The following ANKRD17 variants were observed in gnomAD, a reference collection of about 807,000 sequenced individuals.
The protein encoded by ANKRD17 is ankyrin repeat domain-containing protein 17.
A neutral mutation model predicts 229.7 loss-of-function variants in ANKRD17; 19 were observed. The observed-to-expected ratio is 0.08, with a 90% CI of 0.06 to 0.12. The LOEUF is 0.12. ANKRD17 is among the 10% of genes least tolerant of loss of function. The pLI, the probability that ANKRD17 is intolerant of heterozygous loss-of-function variation, is 1.00. For synonymous variants in ANKRD17, 1,112 were observed against 1,146.1 expected (o/e 0.97, Z 0.60); for missense variants, 2,176 against 3,176.8 (o/e 0.68, Z 7.57).
At chr4:73,231,844 T>C (rs1476063190) in intron 1 of ANKRD17, among the ~76,000 whole-genome samples, 2 of 152,166 alleles carry the variant, frequency 1.3e-5, no homozygotes, top group East Asian at 1.9e-4. Flanking sequence ...TAATCAATCA[T>C]GCCTATGTAA....
intron 1 of ANKRD17, among the ~76,000 whole-genome samples, chr4:73,204,336 G>A (rs1184798684): frequency 1.4e-5 from 2 of 145,644 alleles, no homozygotes; most frequent in Non-Finnish European, 3.0e-5. Flanking sequence ...AGTCCAGCCT[G>A]GGCGACAAAG....
At chr4:73,211,600 A>C (rs946880139) in intron 1 of ANKRD17, among the ~76,000 whole-genome samples, 2 of 152,148 alleles carry the variant, frequency 1.3e-5, no homozygotes, top group African/African-American at 4.8e-5. Flanking sequence ...TAATCTCAGC[A>C]CTTTGGGAGG....
In ANKRD17 at chr4:73,258,756, A is replaced by T. The variant is rs1337221908; in HGVS notation, c.-88T>A. On this transcript the variant is annotated 5_prime_UTR_variant, in exon 1 of 34. Transcript: ENST00000358602. Reference sequence around the variant, plus strand: ...TCGGCCGCACTGGGGCCGACACAGCAATCGGTGCCGCCTCCGCCGCCACCG... The same window carrying T: ...TCGGCCGCACTGGGGCCGACACAGCTATCGGTGCCGCCTCCGCCGCCACCG... The T allele has an allele frequency of 2.3e-6, 3 of 1,323,420 alleles. No individual in the cohort carries two copies. In the East Asian group the frequency reaches 9.8e-5, roughly 43 times the overall value. 82.0% of individuals were successfully genotyped at this position (1,323,420 alleles called of 1,614,324 possible). A position where few individuals can be genotyped will look rare whatever the true frequency, so the allele number is the denominator to read the frequency against.
intron 1 of ANKRD17, among the ~76,000 whole-genome samples, chr4:73,216,185 C>T (rs764649456): frequency 1.3e-5 from 2 of 152,140 alleles, no homozygotes; most frequent in African/African-American, 4.8e-5. Context: ...GCCACTCTCA[C>T]AAATTTTTTC....
intron 24 of ANKRD17, among the ~76,000 whole-genome samples, chr4:73,110,152 G>C (rs1725137379): frequency 6.6e-6 from 1 of 152,056 alleles, no homozygotes; most frequent in Admixed American, 6.6e-5. Context: ...TAAAATATCT[G>C]CTAGGGATTC....
At chr4:73,191,337 A>ATGTGTGTGTGTGTGTGTGTGTGTG (rs1349894740) in intron 1 of ANKRD17, among the ~76,000 whole-genome samples, 3 of 61,918 alleles carry the variant, frequency 4.8e-5, no homozygotes, top group African/African-American at 1.4e-4. Context: ...ACCAAAAAAT[A>ATGTGTGTGTGTGTGTGTGTGTGTG]TATATGTGTG....
At chr4:73,119,019 T>C (rs1277325813) in intron 21 of ANKRD17, among the ~76,000 whole-genome samples, 169 bp from the exon 22 acceptor site, 2 of 151,290 alleles carry the variant, frequency 1.3e-5, no homozygotes, top group Non-Finnish European at 2.9e-5. Context: ...CCAGAGTAGC[T>C]GGGACTACAG....
At chr4:73,208,619 T>C (rs1739828502) in intron 1 of ANKRD17, among the ~76,000 whole-genome samples, 1 of 152,144 alleles carries the variant, frequency 6.6e-6, no homozygotes, top group South Asian at 2.1e-4. Flanking sequence ...CTAACAGCCT[T>C]AGGCATTAGA....
chr4:73,108,089 C>T (rs1270339797), intron 24 of ANKRD17, among the ~76,000 whole-genome samples: 4 of 152,120 alleles, frequency 2.6e-5, no homozygotes, highest in Non-Finnish European at 5.9e-5. Flanking sequence ...GTGACCTCCC[C>T]AGGCTCAGGT....
At chr4:73,251,647 G>A (rs749433467) in intron 1 of ANKRD17, among the ~76,000 whole-genome samples, 11 of 151,558 alleles carry the variant, frequency 7.3e-5, no homozygotes, top group Admixed American at 1.3e-4. Flanking sequence ...GCACTACTTC[G>A]CATACCAATG....
intron 27 of ANKRD17, 77 bp downstream of exon 27, chr4:73,097,040 G>T: frequency 2.0e-6 from 3 of 1,485,538 alleles, no homozygotes; most frequent in Admixed American, 2.4e-5. Flanking sequence ...AAGAGTAGGA[G>T]GAATTTAATT....
At chr4:73,115,189 A>G (rs986979396) in intron 23 of ANKRD17, among the ~76,000 whole-genome samples, 1 of 152,242 alleles carries the variant, frequency 6.6e-6, no homozygotes, top group African/African-American at 2.4e-5. Context: ...ATCAGTCTGG[A>G]TAAACACACA....
Position 73,258,673 on chromosome 4 carries a change from A to G in ANKRD17, c.-5T>C, listed in dbSNP as rs1745721224. ...CGGAACCGTCGCCTTCTCCATCCCC[A>G]GGGAAAGAGGGAGGGCGCGGACGGG... On this transcript the variant is annotated 5_prime_UTR_variant, in exon 1 of 34. Coordinates refer to ENST00000358602, the MANE Select transcript of ANKRD17 (RefSeq NM_032217.5). The G allele has an allele frequency of 3.4e-6, 5 of 1,465,092 alleles. No individual in the cohort carries two copies. Among genetic ancestry groups the G allele is most frequent in the Non-Finnish European group, 4.5e-6 (5 of 1,117,954 alleles). 90.8% of individuals were successfully genotyped at this position (1,465,092 alleles called of 1,614,324 possible). A position where few individuals can be genotyped will look rare whatever the true frequency, so the allele number is the denominator to read the frequency against.
chr4:73,074,171 T>C lies in ANKRD17; in HGVS notation c.*2060A>G, dbSNP rs1480650268. 2 of 151,890 alleles carry C rather than the reference T, an allele frequency of 1.3e-5. No individual in the cohort carries two copies. Among genetic ancestry groups the C allele is most frequent in the East Asian group, 1.9e-4 (1 of 5,192 alleles). The allele number at this position is 151,890 out of a possible 1,614,324, so 9.4% of individuals were successfully genotyped here. On this transcript the variant is annotated 3_prime_UTR_variant, in exon 34 of 34. Coordinates refer to ENST00000358602, the MANE Select transcript of ANKRD17 (RefSeq NM_032217.5). Reference sequence around the variant, plus strand: ...CCCCACAGGTTTGAAGTCAAGAAAATATAGGAGTTTTCCCCCTCCTTTTTA... The same window carrying C: ...CCCCACAGGTTTGAAGTCAAGAAAACATAGGAGTTTTCCCCCTCCTTTTTA...
At chr4:73,161,978 G>A (rs1005473449) in intron 2 of ANKRD17, among the ~76,000 whole-genome samples, 2 of 151,800 alleles carry the variant, frequency 1.3e-5, no homozygotes, top group African/African-American at 4.8e-5. Flanking sequence ...TTGGGCTCAA[G>A]TGATCCGCCC....
chr4:73,097,301 A>C (rs746101938), intron 26 of ANKRD17, 29 bp from the exon 27 acceptor site: 2 of 1,529,892 alleles, frequency 1.3e-6, no homozygotes, highest in South Asian at 1.3e-5. Flanking sequence ...AAGTACATTA[A>C]ATATGGAACA....
intron 31 of ANKRD17, 118 bp downstream of exon 31, chr4:73,078,524 G>C: frequency 8.0e-7 from 1 of 1,249,834 alleles, no homozygotes; most frequent in Non-Finnish European, 1.1e-6. Flanking sequence ...AGCAACAAGT[G>C]AAACTCCATC....
At chr4:73,097,630 G>T (rs991861121) in intron 26 of ANKRD17, among the ~76,000 whole-genome samples, 1 of 151,806 alleles carries the variant, frequency 6.6e-6, no homozygotes, top group Non-Finnish European at 1.5e-5. Flanking sequence ...GTAGAGACAG[G>T]GTCTCCCTAT....
intron 18 of ANKRD17, among the ~76,000 whole-genome samples, chr4:73,123,510 G>C (rs982099382): frequency 3.9e-5 from 6 of 151,960 alleles, no homozygotes; most frequent in African/African-American, 1.2e-4. Context: ...CTAGTAATAA[G>C]TGTATCTAAC....
Sources: allele counts gnomAD v4.1 joint callset (sites outside exome capture counted in the v4.1 genomes callset), GRCh38; gene constraint gnomAD v4.1.1; transcripts MANE v1.5; gene names NCBI Gene and HGNC (gene_info 2026-07-23, HGNC 2026-07-21).